The following ERBB4 variants were observed in gnomAD, a reference collection of about 807,000 sequenced individuals.
ERBB4 encodes erb-b2 receptor tyrosine kinase 4, also known as receptor tyrosine-protein kinase erbB-4.
In ERBB4, 42 loss-of-function variants were observed where a neutral mutation model predicts 158.0. The ratio of observed to expected loss-of-function variants is 0.27; its 90% confidence interval spans 0.21 to 0.34. The LOEUF is 0.34. Ranked by LOEUF, ERBB4 falls within the 10% of genes least tolerant of loss-of-function variation. The probability of loss-of-function intolerance (pLI) is 1.00; values close to 1 mark genes in which losing one functional copy is unlikely to be tolerated. For missense variants in ERBB4, 1,333 were observed against 1,624.1 expected (o/e 0.82, Z 3.08); for synonymous variants, 583 against 558.7 (o/e 1.04, Z -0.61).
intron 1 of ERBB4, among the ~76,000 whole-genome samples, chr2:212,529,881 C>A (rs1351593): frequency 1.3e-5 from 2 of 151,932 alleles, no homozygotes; most frequent in African/African-American, 2.4e-5. Flanking sequence ...AAGTAAGCCA[C>A]AAATTCCAGG....
chr2:211,480,920 T>C (rs966572351), intron 20 of ERBB4, among the ~76,000 whole-genome samples: 1 of 152,206 alleles, frequency 6.6e-6, no homozygotes, highest in Non-Finnish European at 1.5e-5. Flanking sequence ...AGCATGCTTA[T>C]TATATTCATT....
At chr2:211,443,631 C>T (rs2064039106) in intron 20 of ERBB4, among the ~76,000 whole-genome samples, 1 of 152,028 alleles carries the variant, frequency 6.6e-6, no homozygotes, top group Non-Finnish European at 1.5e-5. Context: ...TTATCATTGA[C>T]ATCTGGGGGA....
At chr2:211,720,622 T>G (rs2074062373) in intron 7 of ERBB4, among the ~76,000 whole-genome samples, 1 of 152,326 alleles carries the variant, frequency 6.6e-6, no homozygotes. Context: ...ATGTGGCTTA[T>G]GTTCATCTAC....
chr2:211,942,974 C>A (rs375738431), intron 3 of ERBB4, among the ~76,000 whole-genome samples: 1 of 151,912 alleles, frequency 6.6e-6, no homozygotes, highest in East Asian at 1.9e-4. Flanking sequence ...TATGGATATA[C>A]ATAAAATAGA....
chr2:211,614,850 A>G (rs1240413994), intron 19 of ERBB4, among the ~76,000 whole-genome samples: 1 of 152,104 alleles, frequency 6.6e-6, no homozygotes, highest in Non-Finnish European at 1.5e-5. Flanking sequence ...ATTCACATGA[A>G]CATTTCTTCA....
chr2:211,712,262 G>A, intron 8 of ERBB4, 86 bp from the exon 9 acceptor site: 1 of 1,276,930 alleles, frequency 7.8e-7, no homozygotes, highest in Non-Finnish European at 1.1e-6. Context: ...AAATAGCAGA[G>A]TATTTTTAAT....
chr2:211,396,988 C>G (rs1359543535), intron 25 of ERBB4, among the ~76,000 whole-genome samples: 1 of 152,170 alleles, frequency 6.6e-6, no homozygotes, highest in African/African-American at 2.4e-5. Flanking sequence ...TGTGAATACT[C>G]TGGTACAGCT....
chr2:211,995,472 G>T (rs1483570049), intron 2 of ERBB4, among the ~76,000 whole-genome samples: 1 of 152,008 alleles, frequency 6.6e-6, no homozygotes, highest in Non-Finnish European at 1.5e-5. Flanking sequence ...TGGTGTCTAT[G>T]CTGACCAGGC....
intron 1 of ERBB4, among the ~76,000 whole-genome samples, chr2:212,518,153 C>G (rs999199831): frequency 1.3e-5 from 2 of 151,996 alleles, no homozygotes; most frequent in African/African-American, 4.8e-5. Context: ...GACCATAAAT[C>G]AGTCTAAAAC....
chr2:211,394,798 C>T (rs2062875647), intron 25 of ERBB4, among the ~76,000 whole-genome samples: 1 of 151,932 alleles, frequency 6.6e-6, no homozygotes, highest in African/African-American at 2.4e-5. Flanking sequence ...TGCACTGGAT[C>T]GGGCAACTTT....
chr2:212,484,243 T>A (rs1030244822), intron 1 of ERBB4, among the ~76,000 whole-genome samples: 1 of 152,234 alleles, frequency 6.6e-6, no homozygotes, highest in Admixed American at 6.5e-5. Context: ...GGGACAATAA[T>A]AGAACGTAAT....
chr2:211,481,480 C>A (rs2065081108), intron 20 of ERBB4, among the ~76,000 whole-genome samples: 1 of 151,284 alleles, frequency 6.6e-6, no homozygotes, highest in Non-Finnish European at 1.5e-5. Flanking sequence ...GTTCAGGGAG[C>A]TGAAGAATTT....
At chr2:211,404,566 G>C (rs1435953824) in intron 25 of ERBB4, among the ~76,000 whole-genome samples, 2 of 152,022 alleles carry the variant, frequency 1.3e-5, no homozygotes, top group Non-Finnish European at 2.9e-5. Flanking sequence ...GGACTGAATT[G>C]TCTCTTGACA....
intron 3 of ERBB4, among the ~76,000 whole-genome samples, chr2:211,915,435 T>TTTTATATATA (rs1553512119): frequency 1.0e-4 from 14 of 135,448 alleles, no homozygotes; most frequent in African/African-American, 4.6e-4. Context: ...AGTTCAAACA[T>TTTTATATATA]TACATATATA....
chr2:211,878,815 T>A (rs2078585547), intron 3 of ERBB4, among the ~76,000 whole-genome samples: 2 of 151,828 alleles, frequency 1.3e-5, no homozygotes, highest in African/African-American at 4.8e-5. Flanking sequence ...ATTAAAATTT[T>A]AAGTAGAAAA....
chr2:211,855,822 T>C (rs777985489), intron 3 of ERBB4, among the ~76,000 whole-genome samples: 20 of 151,932 alleles, frequency 1.3e-4, no homozygotes, highest in South Asian at 8.3e-4. Context: ...GCCAGGGAAA[T>C]TGGGAAAGGA....
chr2:211,823,019 C>T (rs552564869), intron 3 of ERBB4, among the ~76,000 whole-genome samples: 196 of 152,046 alleles, frequency 1.3e-3, no homozygotes, highest in African/African-American at 4.6e-3. Flanking sequence ...AACTGTTAGC[C>T]CTTCCCCTGG....
intron 2 of ERBB4, among the ~76,000 whole-genome samples, chr2:211,966,657 T>C (rs2081319231): frequency 6.6e-6 from 1 of 152,312 alleles, no homozygotes; most frequent in Non-Finnish European, 1.5e-5. Flanking sequence ...TTATATACCA[T>C]TACATGTTTA....
intron 3 of ERBB4, among the ~76,000 whole-genome samples, chr2:211,882,060 G>A (rs1159976070): frequency 6.6e-6 from 1 of 152,102 alleles, no homozygotes; most frequent in East Asian, 1.9e-4. Context: ...AAGTCCTTCT[G>A]CACCACAACA....
Sources: gnomAD v4.1 joint callset for allele counts (sites outside exome capture counted in the v4.1 genomes callset) on GRCh38, gnomAD v4.1.1 for gene constraint, MANE v1.5 for transcripts, NCBI Gene and HGNC (gene_info 2026-07-23, HGNC 2026-07-21) for gene names.